ACAP2: variants seen among roughly 807,000 people sequenced by gnomAD.
ACAP2 encodes ArfGAP with coiled-coil, ankyrin repeat and PH domains 2.
In ACAP2, 39 loss-of-function variants were observed where a neutral mutation model predicts 115.8. The ratio of observed to expected loss-of-function variants is 0.34; its 90% confidence interval spans 0.26 to 0.44. The LOEUF (loss-of-function observed/expected upper bound fraction) is 0.44. Among genes scored for constraint, ACAP2 ranks in the 20% least tolerant of loss-of-function variants. The probability of loss-of-function intolerance (pLI) is 1.00; values close to 1 mark genes in which losing one functional copy is unlikely to be tolerated. For missense variants in ACAP2, 662 were observed against 927.6 expected, an observed-to-expected ratio of 0.71 and a Z score of 3.72; for synonymous variants, 289 against 315.8, an observed-to-expected ratio of 0.92 and a Z score of 0.90.
chr3:195,410,177 C>T (rs960392475), intron 1 of ACAP2, among the ~76,000 whole-genome samples: 4 of 152,112 alleles, frequency 2.6e-5, no homozygotes, highest in Admixed American at 2.6e-4. Flanking sequence ...GGGGAAAAGT[C>T]AGTCCTTTCA....
chr3:195,441,738 T>C (rs1037580499), intron 1 of ACAP2: 6 of 152,190 alleles, frequency 3.9e-5, no homozygotes, highest in African/African-American at 7.2e-5. Flanking sequence ...CTTATATTTG[T>C]AAGGACTATG....
At chr3:195,307,654 C>T (rs990019718) in intron 11 of ACAP2, among the ~76,000 whole-genome samples, 1 of 152,120 alleles carries the variant, frequency 6.6e-6, no homozygotes, top group African/African-American at 2.4e-5. Context: ...GGTCCCCACT[C>T]ACATATAATA....
At chr3:195,359,783 T>G (rs1469470518) in intron 4 of ACAP2, among the ~76,000 whole-genome samples, 1 of 152,220 alleles carries the variant, frequency 6.6e-6, no homozygotes, top group East Asian at 1.9e-4. Flanking sequence ...ACTGTGTTTT[T>G]ATTAGTTTTC....
chr3:195,427,632 G>A (rs529444245), intron 1 of ACAP2, among the ~76,000 whole-genome samples: 7 of 152,190 alleles, frequency 4.6e-5, no homozygotes, highest in African/African-American at 7.2e-5. Flanking sequence ...TATCTAGGCC[G>A]GACGCAGTGG....
chr3:195,343,909 T>C lies in ACAP2; in HGVS notation c.345-1255A>G, dbSNP rs184418680. ...GCATTCTATGAAGACATTCTGAGTGTTCATCACAAAGTAATTTATAAAGAA... is the reference window on the plus strand; with the variant it reads ...GCATTCTATGAAGACATTCTGAGTGCTCATCACAAAGTAATTTATAAAGAA... On this transcript the variant is annotated intron_variant, in intron 5 of 22. Transcript: ENST00000326793. 7.0e-4 allele frequency among the ~76,000 whole-genome samples: 107 copies of C among 152,330 alleles called. 1 individual carries two copies. The highest frequency in any genetic ancestry group is 1.9e-4 in the Non-Finnish European group (13 of 68,032).
At chr3:195,320,955 G>A (rs1440360950) in intron 9 of ACAP2, 142 bp from the exon 10 acceptor site, 18 of 524,466 alleles carry the variant, frequency 3.4e-5, no homozygotes, top group Admixed American at 1.2e-4. Context: ...AAAATGAAGG[G>A]GGACTTAAAT....
At chr3:195,418,035 C>T (rs1299323644) in intron 1 of ACAP2, among the ~76,000 whole-genome samples, 1 of 152,120 alleles carries the variant, frequency 6.6e-6, no homozygotes, top group African/African-American at 2.4e-5. Flanking sequence ...CTCAAAAGGC[C>T]CATGATCTGA....
rs371113193 is a variant in ACAP2, at chr3:195,279,401, C to T, written c.2264G>A (p.Arg755His). 7.5e-5 allele frequency: 120 copies of T among 1,605,502 alleles called. No individual in the cohort carries two copies. Among genetic ancestry groups the T allele is most frequent in the Middle Eastern group, 3.3e-4 (2 of 6,062 alleles). Reference protein sequence around the residue: ...PGDETYQDIFRDFSQMASNNP... With the variant: ...PGDETYQDIFHDFSQMASNNP... Reference sequence around the variant, plus strand: ...ATTGGATGCCATTTGGGAAAAATCACGAAATATGTCCTGATAAGTTTCATC... The same window carrying T: ...ATTGGATGCCATTTGGGAAAAATCATGAAATATGTCCTGATAAGTTTCATC... Residue 755 changes from arginine to histidine, a missense_variant, in exon 23 of 23, where the codon CGT becomes CAT. This residue lies in a region of ACAP2 where 128 missense variants were observed against 200.2 expected (regional missense o/e 0.64). Transcript: ENST00000326793.
At chr3:195,437,814 CAAAAAAAAA>C (rs535209837) in intron 1 of ACAP2, among the ~76,000 whole-genome samples, 1 of 36,400 alleles carries the variant, frequency 2.7e-5, no homozygotes, top group African/African-American at 9.3e-5. Context: ...GACTCTGTCT[CAAAAAAAAA>C]AAAAAAAAAA....
chr3:195,327,186 T>C (rs1205145557), intron 8 of ACAP2, among the ~76,000 whole-genome samples: 1 of 152,166 alleles, frequency 6.6e-6, no homozygotes, highest in Non-Finnish European at 1.5e-5. Context: ...CCAAGAACAG[T>C]CATGGTGCCA....
chr3:195,442,714 C>T, intron 1 of ACAP2, 81 bp downstream of exon 1: 1 of 1,446,328 alleles, frequency 6.9e-7, no homozygotes, highest in Non-Finnish European at 9.3e-7. Flanking sequence ...GGGGCCTCCT[C>T]CGGGTGCGCG....
At chr3:195,386,317 T>C (rs948039350) in intron 2 of ACAP2, among the ~76,000 whole-genome samples, 1 of 152,192 alleles carries the variant, frequency 6.6e-6, no homozygotes, top group Non-Finnish European at 1.5e-5. Context: ...TGGTGATAGT[T>C]GTACAACACT....
At chr3:195,422,914 T>C (rs1194017892) in intron 1 of ACAP2, among the ~76,000 whole-genome samples, 1 of 152,050 alleles carries the variant, frequency 6.6e-6, no homozygotes, top group African/African-American at 2.4e-5. Context: ...ATTCCAATGA[T>C]ATGATGAATT....
At chr3:195,319,988 C>A (rs771913716) in intron 10 of ACAP2, among the ~76,000 whole-genome samples, 1 of 152,080 alleles carries the variant, frequency 6.6e-6, no homozygotes, top group Non-Finnish European at 1.5e-5. Flanking sequence ...GTCATGGGAG[C>A]GGTTTCCCCC....
chr3:195,355,355 T>A (rs946645090), intron 4 of ACAP2, among the ~76,000 whole-genome samples: 8 of 151,586 alleles, frequency 5.3e-5, no homozygotes, highest in African/African-American at 1.9e-4. Context: ...CTTTTCTATA[T>A]TAAACTGCTA....
At chr3:195,381,730 A>G (rs1414355196) in intron 3 of ACAP2, among the ~76,000 whole-genome samples, 173 bp downstream of exon 3, 2 of 152,152 alleles carry the variant, frequency 1.3e-5, no homozygotes, top group Non-Finnish European at 2.9e-5. Context: ...CAAATCAACC[A>G]TCACCTTCTC....
At chr3:195,372,919 C>T (rs896251209) in intron 4 of ACAP2, among the ~76,000 whole-genome samples, 3 of 135,074 alleles carry the variant, frequency 2.2e-5, no homozygotes, top group African/African-American at 5.6e-5. Flanking sequence ...ACCCGGGAGG[C>T]GGAGCTTGCA....
rs985913279 is a variant in ACAP2, at chr3:195,404,698, CAT to C, written c.54-12553_54-12552del. On this transcript the variant is annotated intron_variant, in intron 1 of 22. Coordinates refer to ENST00000326793, the MANE Select transcript of ACAP2 (RefSeq NM_012287.6). ...ACATATATATTTATATACATACACA[CAT>C]ATATAGTTTATATACACACACGCAC... Among the ~76,000 whole-genome samples the C allele has an allele frequency of 1.1e-4, 14 of 131,928 alleles. No homozygotes were observed. The East Asian group carries it at 2.7e-3, about 26-fold the overall frequency. 86.5% of individuals were successfully genotyped at this position (131,928 alleles called of 152,430 possible). A position where few individuals can be genotyped will look rare whatever the true frequency, so the allele number is the denominator to read the frequency against.
At chr3:195,307,028 T>C (rs915439841) in intron 12 of ACAP2, among the ~76,000 whole-genome samples, 195 bp downstream of exon 12, 43 of 152,162 alleles carry the variant, frequency 2.8e-4, no homozygotes, top group African/African-American at 9.9e-4. Context: ...ATTTAAAGAA[T>C]AGGATAAATG....
Sources: allele counts gnomAD v4.1 joint callset (sites outside exome capture counted in the v4.1 genomes callset), GRCh38; gene constraint gnomAD v4.1.1; regional missense constraint gnomAD v4.1.1; transcripts MANE v1.5; gene names NCBI Gene and HGNC (gene_info 2026-07-23, HGNC 2026-07-21).